MYO16: variants seen among roughly 807,000 people sequenced by gnomAD.
MYO16 encodes unconventional myosin-XVI.
A neutral mutation model predicts 205.3 loss-of-function variants in MYO16; 94 were observed. That is an observed-to-expected ratio of 0.46 (90% CI 0.39 to 0.54). The LOEUF (loss-of-function observed/expected upper bound fraction) is 0.54. MYO16 is among the 20% of genes least tolerant of loss of function. The probability of loss-of-function intolerance (pLI) is 0.00; values close to 1 mark genes in which losing one functional copy is unlikely to be tolerated. For missense variants in MYO16, 2,315 were observed against 2,387.5 expected (o/e 0.97, Z 0.63); for synonymous variants, 988 against 954.0 (o/e 1.04, Z -0.66).
chr13:108,740,433 G>C (rs1370667902), intron 4 of MYO16, among the ~76,000 whole-genome samples: 3 of 152,176 alleles, frequency 2.0e-5, no homozygotes, highest in Non-Finnish European at 4.4e-5. Context: ...ATCAGCAGTG[G>C]AGGCCGCAGA....
intron 3 of MYO16, among the ~76,000 whole-genome samples, chr13:108,718,436 C>T (rs183485279): frequency 3.3e-5 from 5 of 151,632 alleles, no homozygotes; most frequent in East Asian, 4.1e-4. Context: ...GTATTCCACA[C>T]GGGGCCCCCA....
intron 1 of MYO16, among the ~76,000 whole-genome samples, chr13:108,611,618 T>C (rs1280361111): frequency 2.0e-5 from 3 of 152,194 alleles, no homozygotes; most frequent in Non-Finnish European, 4.4e-5. Flanking sequence ...TAGTGATTAC[T>C]AAAAAGATAA....
At chr13:108,780,396 A>G (rs1438793662) in intron 4 of MYO16, among the ~76,000 whole-genome samples, 2 of 150,914 alleles carry the variant, frequency 1.3e-5, no homozygotes, top group African/African-American at 4.9e-5. Flanking sequence ...CGACTCATTC[A>G]TTAGGCTTTT....
chr13:109,034,413 T>G (rs1886646565), intron 23 of MYO16, among the ~76,000 whole-genome samples: 1 of 152,150 alleles, frequency 6.6e-6, no homozygotes, highest in Admixed American at 6.6e-5. Flanking sequence ...GATGGTTTTA[T>G]AAGGAGCTCT....
intron 16 of MYO16, among the ~76,000 whole-genome samples, chr13:108,940,671 A>C (rs964457467): frequency 5.9e-5 from 9 of 152,180 alleles, no homozygotes; most frequent in African/African-American, 1.9e-4. Flanking sequence ...TAGGATTACT[A>C]TTTGAAACAA....
the MYO16 span, among the ~76,000 whole-genome samples, chr13:108,534,150 C>T: frequency 2.0e-5 from 3 of 152,114 alleles, no homozygotes; most frequent in African/African-American, 4.8e-5. Context: ...TTTAATTGTA[C>T]TTGTGTCTAA....
chr13:109,191,069 A>C (rs904470492), intron 34 of MYO16, among the ~76,000 whole-genome samples: 2 of 151,960 alleles, frequency 1.3e-5, no homozygotes, highest in Non-Finnish European at 2.9e-5. Context: ...AAATACAAAA[A>C]TTAGCCGGGC....
chr13:108,611,047 G>T (rs1879155689), intron 1 of MYO16, among the ~76,000 whole-genome samples: 1 of 152,152 alleles, frequency 6.6e-6, no homozygotes, highest in African/African-American at 2.4e-5. Context: ...AAAAATTAAA[G>T]ATATCCATTA....
At chr13:108,921,370 C>G (rs1445394590) in intron 16 of MYO16, among the ~76,000 whole-genome samples, 1 of 152,122 alleles carries the variant, frequency 6.6e-6, no homozygotes, top group Non-Finnish European at 1.5e-5. Context: ...TGGCCTTGTC[C>G]CCTTGCTGAC....
At position 108,971,927 on chromosome 13, in the gene MYO16, G is replaced by C. The variant is rs184691899; in HGVS notation, c.2369+7025G>C. On this transcript the variant is annotated intron_variant, in intron 20 of 34. Coordinates refer to ENST00000457511, the MANE Select transcript of MYO16 (RefSeq NM_001198950.3). ...AATGATAATAGTGATGGGGCTAGGC[G>C]TGGTGGCTCATGCCTGTAATCCCAG... Among the ~76,000 whole-genome samples, 3 of 151,832 alleles carry C rather than the reference G, an allele frequency of 2.0e-5. No individual in the cohort carries two copies. The East Asian group carries it at 5.9e-4, about 30-fold the overall frequency.
intron 1 of MYO16, among the ~76,000 whole-genome samples, chr13:108,622,352 A>G (rs955140556): frequency 2.6e-5 from 4 of 152,150 alleles, no homozygotes; most frequent in Non-Finnish European, 5.9e-5. Context: ...GCCATTTCTT[A>G]TCACAGGAAT....
At chr13:108,867,161 TA>T (rs1232419979) in intron 12 of MYO16, among the ~76,000 whole-genome samples, 1 of 151,042 alleles carries the variant, frequency 6.6e-6, no homozygotes, top group Non-Finnish European at 1.5e-5. Flanking sequence ...CTGGGCAACA[TA>T]ATGAGAGACC....
chr13:109,008,073 T>A (rs1885458927), intron 21 of MYO16, among the ~76,000 whole-genome samples: 1 of 152,242 alleles, frequency 6.6e-6, no homozygotes, highest in Non-Finnish European at 1.5e-5. Context: ...TTTTCGTTGT[T>A]TTTAGCATAC....
In MYO16 at chr13:108,884,123, C is replaced by T. The variant is rs113707822; in HGVS notation, c.1553+937C>T. 3.0e-3 allele frequency among the ~76,000 whole-genome samples: 462 copies of T among 152,260 alleles called. 3 individuals are homozygous for T. The highest frequency in any genetic ancestry group is 0.011 in the African/African-American group (449 of 41,538). ...TTGTTGTCAGTAGTGCTGGTTGGAA[C>T]TCAACGGATAAGTACAGTAGCACAC... On this transcript the variant is annotated intron_variant, in intron 13 of 34. Coordinates refer to ENST00000457511, the MANE Select transcript of MYO16 (RefSeq NM_001198950.3).
intron 9 of MYO16, among the ~76,000 whole-genome samples, chr13:108,837,246 CA>C (rs1411117877): frequency 6.6e-6 from 1 of 152,118 alleles, no homozygotes; most frequent in Admixed American, 6.6e-5. Context: ...TTCCTCCTGC[CA>C]CCCTGTGAAG....
At chr13:108,591,822 A>G (rs906556669), upstream of MYO16, among the ~76,000 whole-genome samples, 2 of 152,074 alleles carry the variant, frequency 1.3e-5, no homozygotes, top group African/African-American at 4.8e-5. Flanking sequence ...CAAATTTGGA[A>G]AAGGTCCTGA....
chr13:108,509,512 A>T, the MYO16 span, among the ~76,000 whole-genome samples: 1 of 152,288 alleles, frequency 6.6e-6, no homozygotes, highest in Non-Finnish European at 1.5e-5. Context: ...GTTAGCATTA[A>T]TTCCACTCTT....
chr13:108,740,000 GA>G (rs1884845751), intron 4 of MYO16, among the ~76,000 whole-genome samples: 1 of 152,140 alleles, frequency 6.6e-6, no homozygotes, highest in Admixed American at 6.5e-5. Flanking sequence ...GTCATTTAAG[GA>G]CTTCTGTACA....
At chr13:108,742,896 G>T (rs1178518602) in intron 4 of MYO16, among the ~76,000 whole-genome samples, 1 of 152,138 alleles carries the variant, frequency 6.6e-6, no homozygotes, top group African/African-American at 2.4e-5. Flanking sequence ...TTTTTATAGG[G>T]AATGGTCTCT....
Sources: gnomAD v4.1 joint callset for allele counts (sites outside exome capture counted in the v4.1 genomes callset) on GRCh38, gnomAD v4.1.1 for gene constraint, MANE v1.5 for transcripts, NCBI Gene and HGNC (gene_info 2026-07-23, HGNC 2026-07-21) for gene names.